The following VAV3 variants were observed in gnomAD, a reference collection of about 807,000 sequenced individuals.
VAV3 encodes guanine nucleotide exchange factor VAV3.
A neutral mutation model predicts 131.2 loss-of-function variants in VAV3; 94 were observed. The ratio of observed to expected loss-of-function variants is 0.72; its 90% confidence interval spans 0.61 to 0.85. VAV3 has a LOEUF of 0.85. VAV3 is among the 40% of genes least tolerant of loss of function. The pLI is 0.00. For synonymous variants in VAV3, 349 were observed against 342.0 expected, an observed-to-expected ratio of 1.02 and a Z score of -0.22; for missense variants, 939 against 1,002.7, an observed-to-expected ratio of 0.94 and a Z score of 0.86.
At chr1:107,816,097 G>A (rs1204234453) in intron 2 of VAV3, among the ~76,000 whole-genome samples, 1 of 152,150 alleles carries the variant, frequency 6.6e-6, no homozygotes, top group Non-Finnish European at 1.5e-5. Context: ...ACCTCCTGCT[G>A]TGTGGCCTGG....
In VAV3 at chr1:107,612,186, A is replaced by C. The variant is rs1230776974; in HGVS notation, c.1981-2221T>G. ...TACAGAAATATTTATATTGGTCTAT[A>C]TATATATATATAAATAAATATATAT... On this transcript the variant is annotated intron_variant, in intron 21 of 26. Coordinates refer to ENST00000370056, the MANE Select transcript of VAV3 (RefSeq NM_006113.5). 4.0e-5 allele frequency among the ~76,000 whole-genome samples: 6 copies of C among 149,892 alleles called. No homozygotes were observed. In the South Asian group the frequency reaches 6.3e-4, roughly 16 times the overall value.
At chr1:107,633,094 G>A (rs945544267) in intron 20 of VAV3, among the ~76,000 whole-genome samples, 1 of 152,152 alleles carries the variant, frequency 6.6e-6, no homozygotes, top group African/African-American at 2.4e-5. Context: ...ACATTATGTG[G>A]CTGTGAGGAA....
chr1:107,937,934 T>C (rs1673804246), intron 1 of VAV3, among the ~76,000 whole-genome samples: 1 of 152,194 alleles, frequency 6.6e-6, no homozygotes, highest in South Asian at 2.1e-4. Context: ...ATCAAGTTCA[T>C]AGGCCAGCAA....
intron 1 of VAV3, among the ~76,000 whole-genome samples, chr1:107,876,947 G>GT (rs35321108): frequency 0.66 from 99,535 of 151,122 alleles, 33,132 homozygotes; most frequent in Non-Finnish European, 0.72. Context: ...ATCTTGGTTT[G>GT]TTTTTTTAAT....
At chr1:107,901,519 G>A (rs1178596676) in intron 1 of VAV3, among the ~76,000 whole-genome samples, 2 of 152,218 alleles carry the variant, frequency 1.3e-5, no homozygotes, top group African/African-American at 4.8e-5. Flanking sequence ...AACAATCAAT[G>A]TAAAACAAAA....
chr1:107,945,673 T>C (rs916068386), intron 1 of VAV3, among the ~76,000 whole-genome samples: 2 of 151,726 alleles, frequency 1.3e-5, no homozygotes, highest in African/African-American at 2.4e-5. Context: ...AATACAAAAA[T>C]TGGCCAGGCG....
intron 2 of VAV3, among the ~76,000 whole-genome samples, chr1:107,814,797 C>T (rs12138532): frequency 0.16 from 24,018 of 152,130 alleles, 2,246 homozygotes; most frequent in Middle Eastern, 0.27. Flanking sequence ...ATTCTAGCAG[C>T]AATTTGCAGG....
chr1:107,953,124 C>T (rs897374220), intron 1 of VAV3, among the ~76,000 whole-genome samples: 8 of 152,180 alleles, frequency 5.3e-5, no homozygotes, highest in Non-Finnish European at 1.0e-4. Flanking sequence ...CGGGAAACTT[C>T]ACCGAATCTG....
chr1:107,802,475 G>T (rs1292099933), intron 2 of VAV3, among the ~76,000 whole-genome samples: 1 of 151,956 alleles, frequency 6.6e-6, no homozygotes, highest in Admixed American at 6.6e-5. Context: ...TTGACTATGG[G>T]TTTGTCATAT....
At chr1:107,947,606 C>T (rs943091757) in intron 1 of VAV3, among the ~76,000 whole-genome samples, 17 of 152,168 alleles carry the variant, frequency 1.1e-4, no homozygotes, top group African/African-American at 3.4e-4. Flanking sequence ...AATTAATATG[C>T]TGAGAGATTA....
At chr1:107,620,128 C>T (rs1199892226) in intron 20 of VAV3, among the ~76,000 whole-genome samples, 1 of 152,102 alleles carries the variant, frequency 6.6e-6, no homozygotes, top group Non-Finnish European at 1.5e-5. Flanking sequence ...AGTTCCTTGG[C>T]ATAAGGGATA....
intron 15 of VAV3, among the ~76,000 whole-genome samples, chr1:107,746,654 T>C (rs1663364319): frequency 6.6e-6 from 1 of 152,186 alleles, no homozygotes; most frequent in South Asian, 2.1e-4. Flanking sequence ...AAAGGTTTTA[T>C]TTGCCAGCCT....
At chr1:107,802,074 C>T (rs1324261153) in intron 2 of VAV3, among the ~76,000 whole-genome samples, 1 of 152,016 alleles carries the variant, frequency 6.6e-6, no homozygotes, top group Non-Finnish European at 1.5e-5. Context: ...TCTTCCACTT[C>T]TTTAAATTAA....
chr1:107,888,387 C>A (rs1275401799), intron 1 of VAV3, among the ~76,000 whole-genome samples: 2 of 152,200 alleles, frequency 1.3e-5, no homozygotes, highest in African/African-American at 4.8e-5. Flanking sequence ...CTTTCCCCAA[C>A]TACAAAGGAG....
At chr1:107,942,319 G>A (rs551322215) in intron 1 of VAV3, among the ~76,000 whole-genome samples, 1 of 152,284 alleles carries the variant, frequency 6.6e-6, no homozygotes, top group Admixed American at 6.5e-5. Flanking sequence ...GAAGACAGCA[G>A]TTGCATTTCA....
At chr1:107,915,930 A>G (rs1330467453) in intron 1 of VAV3, among the ~76,000 whole-genome samples, 1 of 152,072 alleles carries the variant, frequency 6.6e-6, no homozygotes, top group Admixed American at 6.6e-5. Flanking sequence ...AAATAATAAC[A>G]ACACTGGAAA....
chr1:107,649,170 A>G (rs892140127), intron 19 of VAV3, among the ~76,000 whole-genome samples: 5 of 152,014 alleles, frequency 3.3e-5, no homozygotes, highest in African/African-American at 1.2e-4. Flanking sequence ...AGCCACAGGG[A>G]GTTCTTTCTA....
chr1:107,638,324 CT>C (rs1367493557), intron 20 of VAV3, among the ~76,000 whole-genome samples: 2 of 152,106 alleles, frequency 1.3e-5, no homozygotes, highest in Non-Finnish European at 2.9e-5. Flanking sequence ...ACAAGAACAA[CT>C]GAATTTAATA....
intron 19 of VAV3, among the ~76,000 whole-genome samples, chr1:107,664,026 A>G (rs1657230058): frequency 6.6e-6 from 1 of 152,202 alleles, no homozygotes; most frequent in Non-Finnish European, 1.5e-5. Flanking sequence ...AGTCTCAAAA[A>G]TAAGCAATTA....
Sources: gnomAD v4.1 joint callset for allele counts (sites outside exome capture counted in the v4.1 genomes callset) on GRCh38, gnomAD v4.1.1 for gene constraint, MANE v1.5 for transcripts, NCBI Gene and HGNC (gene_info 2026-07-23, HGNC 2026-07-21) for gene names.